SCN9A: variants seen among roughly 807,000 people sequenced by gnomAD.
The protein encoded by SCN9A is sodium channel protein type 9 subunit alpha.
In SCN9A, 131 loss-of-function variants were observed where a neutral mutation model predicts 187.0. The observed-to-expected ratio is 0.70, with a 90% CI of 0.61 to 0.81. The LOEUF (loss-of-function observed/expected upper bound fraction) is 0.81. Among genes scored for constraint, SCN9A ranks in the 30% least tolerant of loss-of-function variants. The pLI, the probability that SCN9A is intolerant of heterozygous loss-of-function variation, is 0.00. For synonymous variants in SCN9A, 809 were observed against 808.6 expected (o/e 1.00, Z -0.01); for missense variants, 2,252 against 2,396.6 (o/e 0.94, Z 1.26).
chr2:166,291,481 TGTAAATG>T (rs1284576079), intron 9 of SCN9A, among the ~76,000 whole-genome samples: 2 of 152,186 alleles, frequency 1.3e-5, no homozygotes, highest in East Asian at 3.9e-4. Context: ...ATCAATGTCA[TGTAAATG>T]GCCATACTGC....
In SCN9A at chr2:166,288,454, CTT is replaced by C; in HGVS notation, c.1295_1296del (p.Lys432ArgfsTer6). On this transcript the variant is annotated frameshift_variant, in exon 10 of 27. Transcript: ENST00000642356. LOFTEE classifies it high-confidence loss of function. ...AACAGTACCTCAGCTTCTTCTTGCT[CTT>C]TTTTAAGACGGTCTAACATCTGTTG... ...EFQQMLDRLK[K>X]EQEEAEAIAA... The C allele has an allele frequency of 6.2e-7, 1 of 1,609,194 alleles. No individual in the cohort carries two copies. The highest frequency in any genetic ancestry group is 8.5e-7 in the Non-Finnish European group (1 of 1,176,904).
intron 5 of SCN9A, 49 bp downstream of exon 5, chr2:166,305,743 G>A (rs200004737): frequency 1.9e-6 from 3 of 1,611,606 alleles, no homozygotes; most frequent in Non-Finnish European, 8.5e-7. Flanking sequence ...ACACTGTGCT[G>A]CCTGAGATTT....
chr2:166,307,118 T>C (rs760603637), intron 2 of SCN9A, 44 bp from the exon 3 acceptor site: 1 of 1,139,950 alleles, frequency 8.8e-7, no homozygotes. Context: ...ATCCAAAATA[T>C]CAATTTTTCA....
At chr2:166,252,008 G>T in intron 17 of SCN9A, 123 bp from the exon 18 acceptor site, 1 of 1,111,772 alleles carries the variant, frequency 9.0e-7, no homozygotes, top group Non-Finnish European at 1.3e-6. Flanking sequence ...ATAGTATGAT[G>T]GCCATAAAAA....
At chr2:166,327,544 T>C (rs1019958799) in intron 1 of SCN9A, among the ~76,000 whole-genome samples, 4 of 152,128 alleles carry the variant, frequency 2.6e-5, no homozygotes, top group African/African-American at 7.2e-5. Flanking sequence ...TGGTTGTAAT[T>C]TATTATATTT....
In SCN9A at chr2:166,198,929, G is replaced by A. The variant is rs372083483; in HGVS notation, c.5710C>T (p.Arg1904Cys). The A allele has an allele frequency of 1.6e-5, 26 of 1,613,666 alleles. No homozygotes were observed. The highest frequency in any genetic ancestry group is 1.2e-4 in the African/African-American group (9 of 74,858). ...TVIQRAYRRYRLRQNVKNISS... is the reference protein window; with the variant it reads ...TVIQRAYRRYCLRQNVKNISS... ...ATATTTTTGACATTTTGCCTTAAGC[G>A]GTAACGTCTATAAGCACGCTGAATG... is the stretch of plus-strand genomic sequence containing the variant. Residue 1904 changes from arginine to cysteine, a missense_variant, in exon 27 of 27, where the codon CGC (arginine) becomes TGC (cysteine). This residue lies in a region of SCN9A where 345 missense variants were observed against 344.6 expected (regional missense o/e 1.00). Coordinates refer to ENST00000642356, the MANE Select transcript of SCN9A (RefSeq NM_001365536.1).
At chr2:166,294,212 G>C (rs1698201968) in intron 8 of SCN9A, among the ~76,000 whole-genome samples, 1 of 152,130 alleles carries the variant, frequency 6.6e-6, no homozygotes, top group Non-Finnish European at 1.5e-5. Flanking sequence ...AGTCACCTAT[G>C]AGTCACATTT....
chr2:166,203,343 C>A (rs1218490780), intron 26 of SCN9A, among the ~76,000 whole-genome samples: 1 of 151,564 alleles, frequency 6.6e-6, no homozygotes, highest in East Asian at 1.9e-4. Context: ...ACAACAACAA[C>A]AAAAACAAGA....
intron 9 of SCN9A, among the ~76,000 whole-genome samples, chr2:166,289,786 C>T (rs1457956737): frequency 1.3e-5 from 2 of 152,128 alleles, no homozygotes; most frequent in Non-Finnish European, 2.9e-5. Context: ...CCTATTTCTC[C>T]ACATTTTCTC....
In SCN9A at chr2:166,293,312, C is replaced by T. The variant is rs146026200; in HGVS notation, c.1026G>A (p.Thr342=). 3.5e-5 allele frequency: 57 copies of T among 1,606,892 alleles called. No individual in the cohort carries two copies. In the African/African-American group the frequency reaches 6.7e-4, roughly 19 times the overall value. Residue 342 remains threonine (T), a synonymous_variant, in exon 9 of 27, where the codon ACG becomes ACA. Transcript: ENST00000642356. Reference sequence around the variant, plus strand: ...AGGCCCAGCTGAAAGTGTCAAAGCTCGTGTAGCCATAATCAGGGTTTCTGC... The same window carrying T: ...AGGCCCAGCTGAAAGTGTCAAAGCTTGTGTAGCCATAATCAGGGTTTCTGC... ...KIGRNPDYGY[T]SFDTFSWAFL...
intron 1 of SCN9A, among the ~76,000 whole-genome samples, chr2:166,342,742 T>C (rs1176205781): frequency 6.6e-6 from 1 of 152,206 alleles, no homozygotes; most frequent in Non-Finnish European, 1.5e-5. Context: ...TTTTATTTTA[T>C]CATTATTTTT....
At chr2:166,335,756 A>C (rs1699611168) in intron 1 of SCN9A, among the ~76,000 whole-genome samples, 1 of 151,940 alleles carries the variant, frequency 6.6e-6, no homozygotes, top group Non-Finnish European at 1.5e-5. Context: ...AATTTCACAG[A>C]TTTAGCTGAT....
intron 1 of SCN9A, among the ~76,000 whole-genome samples, chr2:166,342,306 C>T (rs998264602): frequency 6.6e-6 from 1 of 152,046 alleles, no homozygotes; most frequent in African/African-American, 2.4e-5. Context: ...TCAATGAATG[C>T]CATATGGAGA....
Position 166,306,524 on chromosome 2 carries a change from C to A in SCN9A, c.453G>T (p.Trp151Cys). 2.6e-6 allele frequency: 4 copies of A among 1,563,602 alleles called. No homozygotes were observed. Among genetic ancestry groups the A allele is most frequent in the Non-Finnish European group, 3.5e-6 (4 of 1,147,274 alleles). The change falls in exon 4 of 27, where the codon TGG (tryptophan) becomes TGT (cysteine). Residue 151 changes from tryptophan (W) to cysteine (C), a missense_variant. Physicochemically the swap from Trp to Cys is radical, Grantham distance 215. Around this residue, in one of 7 missense-constraint regions of SCN9A, gnomAD observed 1,013 missense variants for 997.4 expected, o/e 1.02. Transcript: ENST00000642356. ...IFMTMNNPPDWTKNVEYTFTG... is the reference protein window; with the variant it reads ...IFMTMNNPPDCTKNVEYTFTG... Reference sequence around the variant, plus strand: ...TACCCACTTACTCGACATTTTTGGTCCAGTCCGGTGGGTTATTCATGGTCA... The same window carrying A: ...TACCCACTTACTCGACATTTTTGGTACAGTCCGGTGGGTTATTCATGGTCA...
intron 17 of SCN9A, among the ~76,000 whole-genome samples, chr2:166,264,038 C>T (rs1696628957): frequency 6.6e-6 from 1 of 151,986 alleles, no homozygotes; most frequent in Non-Finnish European, 1.5e-5. Flanking sequence ...CCGTAAGAAA[C>T]TAATACATCC....
intron 8 of SCN9A, among the ~76,000 whole-genome samples, chr2:166,294,181 A>C (rs538311944): frequency 6.6e-6 from 1 of 152,318 alleles, no homozygotes; most frequent in Non-Finnish European, 1.5e-5. Context: ...CTTTGCTTAG[A>C]GTGGCCAAAA....
intron 17 of SCN9A, among the ~76,000 whole-genome samples, chr2:166,268,342 T>C (rs1474919646): frequency 6.6e-6 from 1 of 151,990 alleles, no homozygotes; most frequent in East Asian, 1.9e-4. Context: ...AATTAGGAGT[T>C]ACTTTCTATT....
intron 17 of SCN9A, among the ~76,000 whole-genome samples, chr2:166,254,029 A>G (rs1696159951): frequency 6.6e-6 from 1 of 151,730 alleles, no homozygotes; most frequent in Admixed American, 6.6e-5. Context: ...TTTATGCCAA[A>G]TTAGATTATG....
chr2:166,278,579 T>C (rs1323495864), intron 14 of SCN9A, among the ~76,000 whole-genome samples: 1 of 152,208 alleles, frequency 6.6e-6, no homozygotes, highest in East Asian at 1.9e-4. Flanking sequence ...CATATTAAAA[T>C]TTCAGAAGAG....
Sources: allele counts gnomAD v4.1 joint callset (sites outside exome capture counted in the v4.1 genomes callset), GRCh38; gene constraint gnomAD v4.1.1; regional missense constraint gnomAD v4.1.1; transcripts MANE v1.5; gene names NCBI Gene and HGNC (gene_info 2026-07-23, HGNC 2026-07-21).